The following FAM117B variants were observed in gnomAD, a reference collection of about 807,000 sequenced individuals.
The protein encoded by FAM117B is protein FAM117B.
FAM117B carries 22 observed loss-of-function variants against 52.8 expected under a neutral mutation model. The ratio of observed to expected loss-of-function variants is 0.42; its 90% CI spans 0.30 to 0.59. The LOEUF (loss-of-function observed/expected upper bound fraction) is 0.59, where lower values mean the gene tolerates loss of function less well. FAM117B is among the 20% of genes least tolerant of loss of function. The pLI is 0.22. For synonymous variants in FAM117B, 309 were observed against 324.1 expected, an observed-to-expected ratio of 0.95 and a Z score of 0.50; for missense variants, 678 against 802.6, an observed-to-expected ratio of 0.84 and a Z score of 1.88.
At chr2:202,645,992 C>T (rs544546608) in intron 1 of FAM117B, among the ~76,000 whole-genome samples, 7 of 151,306 alleles carry the variant, frequency 4.6e-5, no homozygotes, top group Non-Finnish European at 7.4e-5. Flanking sequence ...ACTTGCCTTG[C>T]TGTTTGTTCT....
At chr2:202,753,753 TAAA>T (rs201047413) in intron 4 of FAM117B, among the ~76,000 whole-genome samples, 2 of 135,742 alleles carry the variant, frequency 1.5e-5, no homozygotes, top group African/African-American at 5.4e-5. Context: ...AACAAACATG[TAAA>T]AAAAAAAAAA....
chr2:202,640,858 G>A (rs1206604014), intron 1 of FAM117B, among the ~76,000 whole-genome samples: 2 of 152,090 alleles, frequency 1.3e-5, no homozygotes. Context: ...CTATCTGCCT[G>A]CCTCAGCCCC....
chr2:202,688,308 T>A (rs2105773321), intron 1 of FAM117B, among the ~76,000 whole-genome samples: 1 of 152,216 alleles, frequency 6.6e-6, no homozygotes, highest in East Asian at 1.9e-4. Context: ...AATGTCTTCC[T>A]TGTGCCTTTG....
intron 1 of FAM117B, among the ~76,000 whole-genome samples, chr2:202,656,391 AG>A (rs1690056966): frequency 2.0e-5 from 3 of 152,116 alleles, no homozygotes; most frequent in Admixed American, 6.5e-5. Flanking sequence ...CATGTCACAA[AG>A]TTTGATATGT....
At chr2:202,667,345 C>G (rs1295425425) in intron 1 of FAM117B, among the ~76,000 whole-genome samples, 1 of 152,086 alleles carries the variant, frequency 6.6e-6, no homozygotes, top group East Asian at 1.9e-4. Flanking sequence ...AAGTGATCCA[C>G]CCGCCTCGGC....
At chr2:202,748,084 C>T (rs965604754) in intron 4 of FAM117B, among the ~76,000 whole-genome samples, 12 of 152,038 alleles carry the variant, frequency 7.9e-5, no homozygotes, top group African/African-American at 2.9e-4. Context: ...CTATAGTCAT[C>T]CAAACAGCAT....
At chr2:202,690,339 A>G (rs1270805263) in intron 1 of FAM117B, among the ~76,000 whole-genome samples, 1 of 152,132 alleles carries the variant, frequency 6.6e-6, no homozygotes, top group Non-Finnish European at 1.5e-5. Context: ...CTGCATCTCA[A>G]GTCTTCTTCA....
At chr2:202,685,592 T>C (rs558666240) in intron 1 of FAM117B, among the ~76,000 whole-genome samples, 16 of 152,334 alleles carry the variant, frequency 1.1e-4, no homozygotes, top group African/African-American at 3.6e-4. Flanking sequence ...TACATTGCGT[T>C]TGGACAGAGG....
chr2:202,727,456 A>G (rs534074009), intron 4 of FAM117B, among the ~76,000 whole-genome samples: 3 of 152,164 alleles, frequency 2.0e-5, no homozygotes, highest in Non-Finnish European at 2.9e-5. Context: ...TTATGGATTC[A>G]ACCAACCATG....
intron 5 of FAM117B, among the ~76,000 whole-genome samples, chr2:202,756,200 TG>T (rs1691798209): frequency 6.6e-6 from 1 of 152,166 alleles, no homozygotes; most frequent in Non-Finnish European, 1.5e-5. Flanking sequence ...GCGGATCACC[TG>T]AGGTCAGGAG....
intron 1 of FAM117B, among the ~76,000 whole-genome samples, chr2:202,684,277 T>TA (rs1690504455): frequency 1.3e-5 from 2 of 152,278 alleles, no homozygotes; most frequent in African/African-American, 2.4e-5. Context: ...GATTTAGTAG[T>TA]AAAAAAATCA....
At chr2:202,716,862 C>A (rs955965790) in intron 2 of FAM117B, among the ~76,000 whole-genome samples, 2 of 152,162 alleles carry the variant, frequency 1.3e-5, no homozygotes, top group Admixed American at 6.5e-5. Flanking sequence ...ATTTCTGCTT[C>A]TTTTTAATTA....
At chr2:202,737,159 G>A (rs544749678) in intron 4 of FAM117B, among the ~76,000 whole-genome samples, 2 of 151,816 alleles carry the variant, frequency 1.3e-5, no homozygotes, top group South Asian at 2.1e-4. Flanking sequence ...TAAGTCATAC[G>A]TGGACTGAAT....
At chr2:202,641,919 A>G (rs542340432) in intron 1 of FAM117B, among the ~76,000 whole-genome samples, 163 of 148,258 alleles carry the variant, frequency 1.1e-3, no homozygotes, top group Non-Finnish European at 2.0e-3. Flanking sequence ...GATTACAGGC[A>G]TGAGCCACCG....
chr2:202,701,187 A>G (rs1255516959), intron 2 of FAM117B, among the ~76,000 whole-genome samples: 1 of 152,226 alleles, frequency 6.6e-6, no homozygotes, highest in Non-Finnish European at 1.5e-5. Context: ...ACCCTTAAGA[A>G]TTATGCTAAA....
At chr2:202,762,829 G>A (rs1358222490) in intron 7 of FAM117B, among the ~76,000 whole-genome samples, 1 of 151,598 alleles carries the variant, frequency 6.6e-6, no homozygotes, top group Non-Finnish European at 1.5e-5. Flanking sequence ...ATGTTATATT[G>A]GTGTTAATGT....
At chr2:202,689,698 G>C (rs1373421786) in intron 1 of FAM117B, among the ~76,000 whole-genome samples, 1 of 152,094 alleles carries the variant, frequency 6.6e-6, no homozygotes, top group Non-Finnish European at 1.5e-5. Flanking sequence ...CCAGTGGACT[G>C]CTTGAGCTCA....
intron 1 of FAM117B, among the ~76,000 whole-genome samples, chr2:202,694,940 T>C (rs1690688640): frequency 6.6e-6 from 1 of 152,204 alleles, no homozygotes; most frequent in Non-Finnish European, 1.5e-5. Flanking sequence ...TGAAAGATTG[T>C]CACTGATTTA....
chr2:202,747,674 A>G (rs764841843), intron 4 of FAM117B, among the ~76,000 whole-genome samples: 4 of 152,138 alleles, frequency 2.6e-5, no homozygotes, highest in Non-Finnish European at 5.9e-5. Context: ...CTAGCTAAAA[A>G]AGAAATAAAG....
Sources: gnomAD v4.1 joint callset for allele counts (sites outside exome capture counted in the v4.1 genomes callset) on GRCh38, gnomAD v4.1.1 for gene constraint, MANE v1.5 for transcripts, NCBI Gene and HGNC (gene_info 2026-07-23, HGNC 2026-07-21) for gene names.